GRIN2B: variants seen among roughly 807,000 people sequenced by gnomAD.
GRIN2B encodes the protein glutamate ionotropic receptor NMDA type subunit 2B.
In GRIN2B, 5 loss-of-function variants were observed where a neutral mutation model predicts 114.5. The ratio of observed to expected loss-of-function variants is 0.04; its 90% confidence interval spans 0.02 to 0.09. GRIN2B has a LOEUF of 0.09. GRIN2B is among the 10% of genes least tolerant of loss of function. The probability of loss-of-function intolerance (pLI) is 1.00; values close to 1 mark genes in which losing one functional copy is unlikely to be tolerated. For missense variants in GRIN2B, 1,108 were observed against 1,943.5 expected, an observed-to-expected ratio of 0.57 and a Z score of 8.08; for synonymous variants, 787 against 745.1, an observed-to-expected ratio of 1.06 and a Z score of -0.92.
intron 5 of GRIN2B, among the ~76,000 whole-genome samples, chr12:13,632,167 T>A (rs2136498230): frequency 6.6e-6 from 1 of 152,316 alleles, no homozygotes; most frequent in Middle Eastern, 3.4e-3. Context: ...TGCTTCCAGT[T>A]CAGTTTACAA....
intron 4 of GRIN2B, among the ~76,000 whole-genome samples, chr12:13,716,259 T>G (rs1057319979): frequency 3.3e-5 from 5 of 151,824 alleles, no homozygotes; most frequent in African/African-American, 1.2e-4. Context: ...GGTGATGCAA[T>G]AGGAAATAAA....
intron 3 of GRIN2B, among the ~76,000 whole-genome samples, chr12:13,865,397 T>C (rs894624560): frequency 6.6e-6 from 1 of 152,164 alleles, no homozygotes; most frequent in Non-Finnish European, 1.5e-5. Flanking sequence ...TGTGGGAGGC[T>C]GAGGCAGGTG....
chr12:13,657,911 A>G (rs2300235), intron 5 of GRIN2B, among the ~76,000 whole-genome samples: 70,614 of 152,038 alleles, frequency 0.46, 17,360 homozygotes, highest in African/African-American at 0.62. Context: ...TGTTTTTATA[A>G]AACACATTTA....
At chr12:13,584,485 C>T (rs1314006671) in intron 10 of GRIN2B, among the ~76,000 whole-genome samples, 4 of 152,126 alleles carry the variant, frequency 2.6e-5, no homozygotes, top group African/African-American at 9.7e-5. Flanking sequence ...ATATGAAAAA[C>T]TCCATTCAAA....
At chr12:13,763,891 C>T (rs1863727236) in intron 3 of GRIN2B, among the ~76,000 whole-genome samples, 1 of 152,178 alleles carries the variant, frequency 6.6e-6, no homozygotes, top group South Asian at 2.1e-4. Context: ...CTCTCCTTTT[C>T]CAGAATTATT....
intron 10 of GRIN2B, among the ~76,000 whole-genome samples, chr12:13,590,311 T>G (rs2041889): frequency 0.37 from 56,651 of 151,926 alleles, 12,396 homozygotes; most frequent in East Asian, 0.81. Context: ...CACGGTGGTT[T>G]GCTCCACCTA....
intron 5 of GRIN2B, among the ~76,000 whole-genome samples, chr12:13,628,570 A>T (rs1278520350): frequency 2.6e-5 from 4 of 152,252 alleles, no homozygotes. Context: ...AAATCATTGC[A>T]CATTTAGTAA....
At chr12:13,782,892 T>C (rs957336912) in intron 3 of GRIN2B, among the ~76,000 whole-genome samples, 1 of 152,154 alleles carries the variant, frequency 6.6e-6, no homozygotes, top group Non-Finnish European at 1.5e-5. Context: ...CACTAGCCTA[T>C]GCAGATGGGG....
chr12:13,803,226 C>G (rs932503908), intron 3 of GRIN2B, among the ~76,000 whole-genome samples: 2 of 152,074 alleles, frequency 1.3e-5, no homozygotes, highest in African/African-American at 2.4e-5. Flanking sequence ...TTCCAGTAAA[C>G]AGTAGGCTGT....
At chr12:13,719,419 T>TAA (rs3831781) in intron 4 of GRIN2B, among the ~76,000 whole-genome samples, 8,505 of 150,964 alleles carry the variant, frequency 0.056, 812 homozygotes, top group African/African-American at 0.19. Flanking sequence ...TAGGATCACT[T>TAA]AAAAAAAAAG....
intron 3 of GRIN2B, among the ~76,000 whole-genome samples, chr12:13,758,677 T>C (rs1405340486): frequency 3.3e-5 from 5 of 152,218 alleles, no homozygotes; most frequent in African/African-American, 1.2e-4. Flanking sequence ...TTTATGATTA[T>C]CCTTAAGACC....
intron 2 of GRIN2B, among the ~76,000 whole-genome samples, chr12:13,939,831 C>T (rs1176130868): frequency 6.6e-6 from 1 of 152,120 alleles, no homozygotes; most frequent in Non-Finnish European, 1.5e-5. Context: ...TACCCAGTCT[C>T]AGGTCGTTTA....
rs553579037 is a variant in GRIN2B at position 13,947,329 on chromosome 12, T to C, written c.-19+32599A>G. Among the ~76,000 whole-genome samples, 7 of 152,310 alleles carry C rather than the reference T, an allele frequency of 4.6e-5. No individual in the cohort carries two copies. The South Asian group carries it at 1.2e-3, about 27-fold the overall frequency. ...AAACTGAGGCTCGCCATGTGAATTG[T>C]CCTTGGATTATAGCAATGTAGGCTG... On this transcript the variant is annotated intron_variant, in intron 2 of 13. Transcript: ENST00000609686.
At chr12:13,761,103 C>T (rs911213295) in intron 3 of GRIN2B, among the ~76,000 whole-genome samples, 1 of 152,190 alleles carries the variant, frequency 6.6e-6, no homozygotes, top group African/African-American at 2.4e-5. Flanking sequence ...ATGCCAGACC[C>T]ATTCTTTCTT....
intron 5 of GRIN2B, among the ~76,000 whole-genome samples, chr12:13,633,821 A>G (rs1484327896): frequency 1.3e-5 from 2 of 152,202 alleles, no homozygotes; most frequent in African/African-American, 4.8e-5. Context: ...ATACCCAGTC[A>G]GTAACACCAG....
At chr12:13,700,894 TGGTG>T (rs1950305647) in intron 4 of GRIN2B, among the ~76,000 whole-genome samples, 2 of 152,246 alleles carry the variant, frequency 1.3e-5, no homozygotes, top group Non-Finnish European at 2.9e-5. Context: ...TTGATGAGTT[TGGTG>T]AGGTGTATTA....
At chr12:13,572,522 C>G (rs78569265) in intron 10 of GRIN2B, among the ~76,000 whole-genome samples, 1 of 152,074 alleles carries the variant, frequency 6.6e-6, no homozygotes, top group Non-Finnish European at 1.5e-5. Flanking sequence ...CATATTTATC[C>G]CACATGAGTT....
At chr12:13,959,997 T>A (rs1427883584) in intron 2 of GRIN2B, among the ~76,000 whole-genome samples, 26 of 152,092 alleles carry the variant, frequency 1.7e-4, no homozygotes, top group Admixed American at 1.7e-3. Context: ...GAGAAAATGG[T>A]GGCATAAGTG....
chr12:13,567,022 T>C lies in GRIN2B; in HGVS notation c.2598+3A>G. The C allele has an allele frequency of 6.2e-7, 1 of 1,600,466 alleles. No individual in the cohort carries two copies. The highest frequency in any genetic ancestry group is 8.6e-7 in the Non-Finnish European group (1 of 1,167,496). On this transcript the variant is annotated splice_donor_region_variant and intron_variant, in intron 13 of 13. Transcript: ENST00000609686. ...CTTTAGGCATTTAAATCAAAACACT[T>C]ACTCTGCTGATGGAGAAGACCATGC... is the stretch of plus-strand genomic sequence containing the variant.
Sources: gnomAD v4.1 joint callset for allele counts (sites outside exome capture counted in the v4.1 genomes callset) on GRCh38, gnomAD v4.1.1 for gene constraint, MANE v1.5 for transcripts, NCBI Gene and HGNC (gene_info 2026-07-23, HGNC 2026-07-21) for gene names.